Variants in MYLK2 observed in about 807,000 individuals in gnomAD.
MYLK2 encodes myosin light chain kinase 2, also known as myosin light chain kinase 2, skeletal/cardiac muscle.
Under a neutral mutation model 58.2 loss-of-function variants are expected in MYLK2, and 27 were observed. The ratio of observed to expected loss-of-function variants is 0.46; its 90% CI spans 0.34 to 0.64. The LOEUF (loss-of-function observed/expected upper bound fraction) is 0.64, where lower values mean the gene tolerates loss of function less well. Ranked by LOEUF, MYLK2 falls within the 30% of genes least tolerant of loss-of-function variation. MYLK2 has a pLI of 0.01. For synonymous variants in MYLK2, 310 were observed against 296.7 expected, an observed-to-expected ratio of 1.04 and a Z score of -0.46; for missense variants, 676 against 764.3, an observed-to-expected ratio of 0.88 and a Z score of 1.36.
Position 31,821,649 on chromosome 20 carries a change from T to C in MYLK2, c.684T>C (p.Ile228=), listed in dbSNP as rs6058469. The C allele has an allele frequency of 0.073, 117,966 of 1,613,856 alleles. 4,810 individuals carry two copies. Among genetic ancestry groups the C allele is most frequent in the African/African-American group, 0.14 (10,364 of 74,984 alleles). The change falls in exon 4 of 13, where the codon ATT becomes ATC. Residue 228 remains isoleucine (I), a synonymous_variant. Coordinates refer to ENST00000375985, the MANE Select transcript of MYLK2 (RefSeq NM_033118.4). ...TGCAAGGGGACACCTCGAGGGGGAT[T>C]GAGTTCCAGGCTGTTCCCTCAGAGA... ...AKMQGDTSRG[I]EFQAVPSEKS...
Position 31,831,100 on chromosome 20 carries a change from T to C in MYLK2, c.1383T>C (p.Asp461=), listed in dbSNP as rs2062304291. The C allele has an allele frequency of 1.2e-6, 2 of 1,614,092 alleles. No homozygotes were observed. Among genetic ancestry groups the C allele is most frequent in the East Asian group, 4.5e-5 (2 of 44,870 alleles). ...TGGTGAATTATGACCAAATCTCCGA[T>C]AAGACAGACATGTGGAGTATGGGGG... ...PEVVNYDQIS[D]KTDMWSMGVI... Residue 461 remains aspartate, a synonymous_variant, in exon 10 of 13, where the codon GAT becomes GAC. Transcript: ENST00000375985.
intron 8 of MYLK2, chr20:31,828,638 G>A (rs1444527278): frequency 3.0e-6 from 3 of 985,330 alleles, no homozygotes; most frequent in East Asian, 2.3e-4. Flanking sequence ...ATGCGGAATC[G>A]CACTGGGTGA....
At chr20:31,826,042 T>C (rs2062277411) in intron 6 of MYLK2, among the ~76,000 whole-genome samples, 1 of 151,938 alleles carries the variant, frequency 6.6e-6, no homozygotes, top group Admixed American at 6.6e-5. Context: ...GGGAAGAACT[T>C]AGGATGGCTC....
At chr20:31,820,027 C>T in intron 2 of MYLK2, 99 bp from the exon 3 acceptor site, 1 of 1,497,154 alleles carries the variant, frequency 6.7e-7, no homozygotes, top group Non-Finnish European at 9.3e-7. Context: ...AAGTTGTTGC[C>T]TGGGTGGGAA....
At chr20:31,827,464 T>C in intron 8 of MYLK2, 1 of 985,456 alleles carries the variant, frequency 1.0e-6, no homozygotes, top group Non-Finnish European at 1.2e-6. Context: ...AGTGTCAGCG[T>C]GGCAATGTGC....
Position 31,834,111 on chromosome 20 carries a change from G to T in MYLK2, c.*314G>T, listed in dbSNP as rs759978467. On this transcript the variant is annotated 3_prime_UTR_variant, in exon 13 of 13. Coordinates refer to ENST00000375985, the MANE Select transcript of MYLK2 (RefSeq NM_033118.4). ...GTTCCCTCCCCAGCTCCTCGTCTTT[G>T]AACTGCCGCCGCCGTGGTGACCCCT... is the stretch of plus-strand genomic sequence containing the variant. 1.2e-4 allele frequency: 51 copies of T among 423,454 alleles called. No individual in the cohort carries two copies. The highest frequency in any genetic ancestry group is 2.1e-4 in the Non-Finnish European group (47 of 226,760). 26.2% of individuals were successfully genotyped at this position (423,454 alleles called of 1,614,324 possible). A position where few individuals can be genotyped will look rare whatever the true frequency, so the allele number is the denominator to read the frequency against.
intron 3 of MYLK2, among the ~76,000 whole-genome samples, chr20:31,821,079 T>C (rs2062250092): frequency 2.0e-5 from 3 of 151,860 alleles, no homozygotes; most frequent in African/African-American, 7.3e-5. Flanking sequence ...AATGAGGTCA[T>C]TAATGATATA....
Position 31,831,792 on chromosome 20 carries a change from C to G in MYLK2, c.1514C>G (p.Thr505Ser), listed in dbSNP as rs144359857. The G allele has an allele frequency of 3.7e-6, 6 of 1,614,144 alleles. No homozygotes were observed. The highest frequency in any genetic ancestry group is 1.7e-5 in the Admixed American group (1 of 60,008). The change falls in exon 11 of 13, where the codon ACC becomes AGC. Residue 505 changes from threonine (T) to serine (S), a missense_variant. Around this residue, in one of 2 missense-constraint regions of MYLK2, gnomAD observed 370 missense variants for 467.8 expected, o/e 0.79. Coordinates refer to ENST00000375985, the MANE Select transcript of MYLK2 (RefSeq NM_033118.4). The part of the protein sequence containing the change: ...LSGNWYFDEE[T>S]FEAVSDEAKD... The stretch of plus-strand genomic sequence containing the variant: ...GGCAACTGGTACTTTGATGAAGAGA[C>G]CTTTGAGGCCGTATCAGACGAGGCC...
At position 31,831,802 on chromosome 20, in the gene MYLK2, C is replaced by T. The variant is rs377328892; in HGVS notation, c.1524C>T (p.Ala508=). The T allele has an allele frequency of 7.4e-6, 12 of 1,614,018 alleles. No homozygotes were observed. Among genetic ancestry groups the T allele is most frequent in the African/African-American group, 4.0e-5 (3 of 74,912 alleles). Residue 508 remains alanine (A), a synonymous_variant, in exon 11 of 13, where the codon GCC becomes GCT. Transcript: ENST00000375985. The stretch of plus-strand genomic sequence containing the variant: ...ACTTTGATGAAGAGACCTTTGAGGC[C>T]GTATCAGACGAGGCCAAAGACTTTG... The part of the protein sequence containing the change: ...NWYFDEETFE[A]VSDEAKDFVS...
At chr20:31,831,230 G>A in intron 10 of MYLK2, 89 bp downstream of exon 10, 1 of 1,591,482 alleles carries the variant, frequency 6.3e-7, no homozygotes. Context: ...GTCTTGGTAA[G>A]GTGGTCCCAC....
chr20:31,825,850 C>T (rs940425713), intron 6 of MYLK2, among the ~76,000 whole-genome samples: 11 of 152,080 alleles, frequency 7.2e-5, no homozygotes, highest in Admixed American at 3.9e-4. Flanking sequence ...CTATTATAGC[C>T]GATATATCAG....
rs73119952 is a variant in MYLK2, at chr20:31,834,630, G to C, written c.*833G>C. The C allele has an allele frequency of 2.0e-5, 3 of 152,870 alleles. No homozygotes were observed. Among genetic ancestry groups the C allele is most frequent in the Non-Finnish European group, 4.4e-5 (3 of 68,106 alleles). 9.5% of individuals were successfully genotyped at this position (152,870 alleles called of 1,614,324 possible). A position where few individuals can be genotyped will look rare whatever the true frequency, so the allele number is the denominator to read the frequency against. On this transcript the variant is annotated 3_prime_UTR_variant, in exon 13 of 13. Transcript: ENST00000375985. ...CCCAGGAGAATTAGGAAGGCCATGGGGCAGCCTCCAGTCTGCTCTCAGCTT... is the reference window on the plus strand; with the variant it reads ...CCCAGGAGAATTAGGAAGGCCATGGCGCAGCCTCCAGTCTGCTCTCAGCTT...
In MYLK2 at chr20:31,819,606, AGC is replaced by A; in HGVS notation, c.27_28del (p.Glu9AspfsTer13). ...ATGGCGACAGAAAATGGAGCAGTTGAGCTGGGAATTCAGAACCCATCAACAGG... is the reference window on the plus strand; with the variant it reads ...ATGGCGACAGAAAATGGAGCAGTTGATGGGAATTCAGAACCCATCAACAGG... On this transcript the variant is annotated frameshift_variant, in exon 2 of 13. Coordinates refer to ENST00000375985, the MANE Select transcript of MYLK2 (RefSeq NM_033118.4). LOFTEE classifies it high-confidence loss of function. 6.4e-7 allele frequency: 1 copy of A among 1,551,588 alleles called. No homozygotes were observed.
rs755097103 is a variant in MYLK2 at position 31,831,062 on chromosome 20, C to T, written c.1345C>T (p.Leu449=). The part of the protein sequence containing the change: ...LKVNFGTPEF[L]SPEVVNYDQI... ...GGTGAACTTTGGGACCCCAGAGTTC[C>T]TGTCACCTGAGGTGGTGAATTATGA... Residue 449 remains leucine (L), a synonymous_variant, in exon 10 of 13, where the codon CTG becomes TTG. Transcript: ENST00000375985. 1 of 1,614,138 alleles carries T rather than the reference C, an allele frequency of 6.2e-7. No homozygotes were observed. The highest frequency in any genetic ancestry group is 8.5e-7 in the Non-Finnish European group (1 of 1,180,006).
chr20:31,830,806 C>G lies in MYLK2; in HGVS notation c.1225-13C>G, dbSNP rs765889473. 1 of 1,613,832 alleles carries G rather than the reference C, an allele frequency of 6.2e-7. No individual in the cohort carries two copies. On this transcript the variant is annotated splice_polypyrimidine_tract_variant and intron_variant, in intron 8 of 12. Transcript: ENST00000375985. ...GGTCAGAGGCCCACCCAGGCCACCC[C>G]CTTTCTCCTCAGCCAGAGAACATCC... is the stretch of plus-strand genomic sequence containing the variant.
Position 31,833,871 on chromosome 20 carries a change from GA to G in MYLK2, c.*78del. On this transcript the variant is annotated 3_prime_UTR_variant, in exon 13 of 13. Transcript: ENST00000375985. ...TGAAGCCACACAGCCCAGAAGGCCA[GA>G]AAAGGCAGCCAGATCCCCAGGGCAG... 7.0e-7 allele frequency: 1 copy of G among 1,429,060 alleles called. No individual in the cohort carries two copies. The highest frequency in any genetic ancestry group is 1.1e-5 in the South Asian group (1 of 87,054). 88.5% of individuals were successfully genotyped at this position (1,429,060 alleles called of 1,614,324 possible).
In MYLK2 at chr20:31,833,877, G is replaced by T; in HGVS notation, c.*80G>T. 7.3e-7 allele frequency: 1 copy of T among 1,370,000 alleles called. No homozygotes were observed. Among genetic ancestry groups the T allele is most frequent in the Non-Finnish European group, 1.0e-6 (1 of 974,712 alleles). 84.9% of individuals were successfully genotyped at this position (1,370,000 alleles called of 1,614,324 possible). A position where few individuals can be genotyped will look rare whatever the true frequency, so the allele number is the denominator to read the frequency against. The stretch of plus-strand genomic sequence containing the variant: ...CACACAGCCCAGAAGGCCAGAAAAG[G>T]CAGCCAGATCCCCAGGGCAGCCTCG... On this transcript the variant is annotated 3_prime_UTR_variant, in exon 13 of 13. Transcript: ENST00000375985.
Position 31,826,868 on chromosome 20 carries a change from T to G in MYLK2, c.1154T>G (p.Val385Gly), listed in dbSNP as rs2062283073. Reference protein sequence around the residue: ...DYHLTEVDTMVFVRQICDGIL... With the variant: ...DYHLTEVDTMGFVRQICDGIL... ...CATCTGACCGAGGTGGACACCATGG[T>G]GTTTGTCAGGCAGATCTGTGACGGG... The change falls in exon 8 of 13, where the codon GTG becomes GGG. Residue 385 changes from valine (V) to glycine (G), a missense_variant. This residue lies in a region of MYLK2 where 370 missense variants were observed against 467.8 expected (regional missense o/e 0.79). Transcript: ENST00000375985. 6.2e-7 allele frequency: 1 copy of G among 1,613,968 alleles called. No homozygotes were observed. Among genetic ancestry groups the G allele is most frequent in the African/African-American group, 1.3e-5 (1 of 74,858 alleles).
At position 31,820,473 on chromosome 20, in the gene MYLK2, G is replaced by A. The variant is rs1167505406; in HGVS notation, c.400G>A (p.Glu134Lys). The A allele has an allele frequency of 1.9e-6, 3 of 1,610,676 alleles. No homozygotes were observed. The Admixed American group carries it at 5.0e-5, about 27-fold the overall frequency. Residue 134 changes from glutamate (E) to lysine (K), a missense_variant, in exon 3 of 13, where the codon GAG (glutamate) becomes AAG (lysine). Physicochemically the swap from Glu to Lys is moderately conservative, Grantham distance 56. Transcript: ENST00000375985. ...GKPRVGKKAA[E>K]GQAAARRGSP... Reference sequence around the variant, plus strand: ...GCCCAGGGTGGGCAAGAAGGCAGCAGAGGGCCAAGCAGCAGCCAGGAGGGG... The same window carrying A: ...GCCCAGGGTGGGCAAGAAGGCAGCAAAGGGCCAAGCAGCAGCCAGGAGGGG...
Sources: gnomAD v4.1 joint callset for allele counts (sites outside exome capture counted in the v4.1 genomes callset) on GRCh38, gnomAD v4.1.1 for gene constraint, gnomAD v4.1.1 regional missense constraint, MANE v1.5 for transcripts, NCBI Gene and HGNC (gene_info 2026-07-23, HGNC 2026-07-21) for gene names.